GPC5: variants seen among roughly 807,000 people sequenced by gnomAD.
The protein encoded by GPC5 is glypican-5.
In GPC5, 47 loss-of-function variants were observed where a neutral mutation model predicts 53.9. The observed-to-expected ratio is 0.87, with a 90% CI of 0.69 to 1.11. The LOEUF (loss-of-function observed/expected upper bound fraction) is 1.11. GPC5 is among the 50% of genes most tolerant of loss of function. The probability of loss-of-function intolerance (pLI) is 0.00; values close to 1 mark genes in which losing one functional copy is unlikely to be tolerated. For synonymous variants in GPC5, 286 were observed against 263.3 expected (o/e 1.09, Z -0.84); for missense variants, 748 against 713.1 (o/e 1.05, Z -0.56).
At chr13:91,944,151 A>G (rs2039953823) in intron 6 of GPC5, among the ~76,000 whole-genome samples, 3 of 151,058 alleles carry the variant, frequency 2.0e-5, no homozygotes, top group Non-Finnish European at 1.5e-5. Context: ...GCTGGAGTGC[A>G]GTGGTGCGGA....
At chr13:92,414,339 T>C (rs759479583) in intron 7 of GPC5, among the ~76,000 whole-genome samples, 1 of 151,908 alleles carries the variant, frequency 6.6e-6, no homozygotes, top group Non-Finnish European at 1.5e-5. Flanking sequence ...ACCCCATCTC[T>C]ACTAAAAATA....
intron 7 of GPC5, among the ~76,000 whole-genome samples, chr13:92,793,085 T>A (rs1876524090): frequency 6.6e-6 from 1 of 151,992 alleles, no homozygotes; most frequent in Admixed American, 6.6e-5. Context: ...AATATACATT[T>A]TTCTCAGCAC....
At position 92,624,338 on chromosome 13, in the gene GPC5, G is replaced by A. The variant is rs138919144; in HGVS notation, c.1562-241944G>A. 1.3e-4 allele frequency among the ~76,000 whole-genome samples: 20 copies of A among 152,222 alleles called. No homozygotes were observed. The East Asian group carries it at 3.9e-3, about 29-fold the overall frequency. ...AGCTGCCTCGGCCTCCCAAAATGCTGGTATTACAGGCATGAGCCACTGCGC... is the reference window on the plus strand; with the variant it reads ...AGCTGCCTCGGCCTCCCAAAATGCTAGTATTACAGGCATGAGCCACTGCGC... On this transcript the variant is annotated intron_variant, in intron 7 of 7. Transcript: ENST00000377067.
intron 7 of GPC5, among the ~76,000 whole-genome samples, chr13:92,372,126 A>C (rs920613250): frequency 1.3e-5 from 2 of 152,178 alleles, no homozygotes; most frequent in African/African-American, 4.8e-5. Flanking sequence ...CCCTGCCGAC[A>C]CTGAGTTCAG....
At chr13:91,913,810 A>G (rs146140911) in intron 6 of GPC5, among the ~76,000 whole-genome samples, 17 of 152,266 alleles carry the variant, frequency 1.1e-4, no homozygotes, top group Middle Eastern at 3.4e-3. Context: ...AACAGGCAAT[A>G]TTTGTCCTTT....
At chr13:92,492,934 G>A (rs1268810112) in intron 7 of GPC5, among the ~76,000 whole-genome samples, 1 of 152,116 alleles carries the variant, frequency 6.6e-6, no homozygotes, top group Non-Finnish European at 1.5e-5. Flanking sequence ...GATAGGTGTG[G>A]AACAAAGCAG....
At chr13:92,258,714 C>T (rs2042744456) in intron 7 of GPC5, among the ~76,000 whole-genome samples, 1 of 152,146 alleles carries the variant, frequency 6.6e-6, no homozygotes, top group East Asian at 1.9e-4. Context: ...TACACACAGA[C>T]ACACACACTA....
chr13:91,689,230 T>TATAC (rs1232356030), intron 2 of GPC5, among the ~76,000 whole-genome samples: 17 of 81,054 alleles, frequency 2.1e-4, no homozygotes, highest in African/African-American at 4.3e-4. Flanking sequence ...TATATATATA[T>TATAC]ACACATATAA....
chr13:91,580,833 A>G (rs1352321876), intron 2 of GPC5, among the ~76,000 whole-genome samples: 1 of 152,160 alleles, frequency 6.6e-6, no homozygotes, highest in Non-Finnish European at 1.5e-5. Flanking sequence ...TATTTTATGT[A>G]TTAGTCCATT....
intron 5 of GPC5, among the ~76,000 whole-genome samples, chr13:91,820,153 T>A (rs527281472): frequency 4.5e-4 from 69 of 152,196 alleles, no homozygotes; most frequent in African/African-American, 1.1e-3. Context: ...AGTTATTTTT[T>A]AAAAAAATAT....
intron 2 of GPC5, among the ~76,000 whole-genome samples, chr13:91,487,287 A>G (rs1179070371): frequency 6.6e-6 from 1 of 152,134 alleles, no homozygotes; most frequent in Non-Finnish European, 1.5e-5. Context: ...AAATCTTTTG[A>G]GGAGTAATAG....
chr13:91,422,613 G>A (rs1431892275), intron 1 of GPC5, among the ~76,000 whole-genome samples: 4 of 151,548 alleles, frequency 2.6e-5, no homozygotes, highest in Admixed American at 2.6e-4. Flanking sequence ...TCCAGCCTGG[G>A]CAACAGAGCA....
chr13:92,141,663 T>A (rs2041831889), intron 6 of GPC5, among the ~76,000 whole-genome samples: 1 of 152,056 alleles, frequency 6.6e-6, no homozygotes, highest in Non-Finnish European at 1.5e-5. Context: ...CAAGACAACA[T>A]CCATTTACTG....
At chr13:91,652,255 C>T (rs74104930) in intron 2 of GPC5, among the ~76,000 whole-genome samples, 9,827 of 152,156 alleles carry the variant, frequency 0.065, 1,053 homozygotes, top group African/African-American at 0.22. Context: ...CTTTTGTAAA[C>T]TGAGGTGCAC....
chr13:91,701,549 C>CTGTGTG (rs143841432), intron 3 of GPC5, among the ~76,000 whole-genome samples: 29 of 148,514 alleles, frequency 2.0e-4, no homozygotes, highest in African/African-American at 6.9e-4. Context: ...TAATATTCCA[C>CTGTGTG]TGTGTGTGTG....
intron 3 of GPC5, among the ~76,000 whole-genome samples, chr13:91,699,202 A>C (rs956947374): frequency 2.6e-5 from 4 of 152,202 alleles, no homozygotes; most frequent in African/African-American, 4.8e-5. Flanking sequence ...AATAAGTAGA[A>C]TCTCTAGGGT....
intron 7 of GPC5, among the ~76,000 whole-genome samples, chr13:92,764,638 T>A (rs1224535646): frequency 6.6e-6 from 1 of 152,188 alleles, no homozygotes; most frequent in Non-Finnish European, 1.5e-5. Flanking sequence ...GTGGTAGAGG[T>A]AGAGTGTTTC....
chr13:92,226,723 C>T (rs115867979), intron 7 of GPC5, among the ~76,000 whole-genome samples: 5,380 of 151,658 alleles, frequency 0.035, 331 homozygotes, highest in African/African-American at 0.12. Flanking sequence ...CCCAGTCTCC[C>T]GAGCAGCTGG....
chr13:92,355,441 A>T (rs558333912), intron 7 of GPC5, among the ~76,000 whole-genome samples: 58 of 152,218 alleles, frequency 3.8e-4, no homozygotes, highest in Middle Eastern at 3.4e-3. Flanking sequence ...CTGGAGAGGG[A>T]GCATTCCTTC....
Sources: gnomAD v4.1 joint callset for allele counts (sites outside exome capture counted in the v4.1 genomes callset) on GRCh38, gnomAD v4.1.1 for gene constraint, MANE v1.5 for transcripts, NCBI Gene and HGNC (gene_info 2026-07-23, HGNC 2026-07-21) for gene names.